The following GPC6 variants were observed in gnomAD, a reference collection of about 807,000 sequenced individuals.
GPC6 encodes the protein glypican 6.
In GPC6, 14 loss-of-function variants were observed where a neutral mutation model predicts 55.2. The observed-to-expected ratio is 0.25, with a 90% CI of 0.17 to 0.40. The LOEUF (loss-of-function observed/expected upper bound fraction) is 0.40, where lower values mean the gene tolerates loss of function less well. GPC6 is among the 10% of genes least tolerant of loss of function. GPC6 has a pLI of 1.00. For missense variants in GPC6, 641 were observed against 708.5 expected, an observed-to-expected ratio of 0.90 and a Z score of 1.08; for synonymous variants, 278 against 259.6, an observed-to-expected ratio of 1.07 and a Z score of -0.68.
chr13:93,633,645 A>G (rs1879571418), intron 2 of GPC6, among the ~76,000 whole-genome samples: 1 of 142,174 alleles, frequency 7.0e-6, no homozygotes, highest in Admixed American at 6.9e-5. Context: ...CAAATAAATA[A>G]ATAAATAAAT....
chr13:93,385,754 C>T (rs1455136268), intron 1 of GPC6, among the ~76,000 whole-genome samples: 2 of 151,864 alleles, frequency 1.3e-5, no homozygotes, highest in Non-Finnish European at 1.5e-5. Flanking sequence ...AGATTAGTCC[C>T]CCTGTTGTAA....
intron 2 of GPC6, among the ~76,000 whole-genome samples, chr13:93,624,115 T>G (rs1879087897): frequency 2.3e-5 from 1 of 43,358 alleles, no homozygotes; most frequent in Non-Finnish European, 6.3e-5. Flanking sequence ...AAATTTCAAC[T>G]TTTTTTTTTT....
intron 6 of GPC6, among the ~76,000 whole-genome samples, chr13:94,366,939 G>GAAAAAAACAA (rs1486461336): frequency 1.5e-4 from 23 of 152,286 alleles, no homozygotes; most frequent in Admixed American, 8.5e-4. Flanking sequence ...GAAAAGTTGA[G>GAAAAAAACAA]GGCTCAGTCT....
intron 1 of GPC6, among the ~76,000 whole-genome samples, chr13:93,348,039 CAT>C (rs1473332454): frequency 6.6e-6 from 1 of 152,160 alleles, no homozygotes; most frequent in Non-Finnish European, 1.5e-5. Context: ...TACTGCACAA[CAT>C]TTTTCACCAT....
intron 4 of GPC6, among the ~76,000 whole-genome samples, chr13:94,240,594 G>A (rs1002860835): frequency 6.6e-6 from 1 of 151,778 alleles, no homozygotes; most frequent in African/African-American, 2.4e-5. Flanking sequence ...TCCTCTTGGA[G>A]TAGATATTCC....
At chr13:94,362,452 G>C (rs1879101208) in intron 6 of GPC6, among the ~76,000 whole-genome samples, 2 of 152,036 alleles carry the variant, frequency 1.3e-5, no homozygotes, top group South Asian at 4.1e-4. Flanking sequence ...TAAAATAACA[G>C]CCTGTCAGTT....
upstream of GPC6, chr13:93,226,758 C>G (rs558989546): frequency 5.5e-4 from 84 of 152,312 alleles, no homozygotes; most frequent in African/African-American, 1.8e-3. Flanking sequence ...TTTGACTCGG[C>G]CTGTGAATTT....
At chr13:94,372,643 G>A (rs1240114213) in intron 6 of GPC6, among the ~76,000 whole-genome samples, 10 of 151,780 alleles carry the variant, frequency 6.6e-5, no homozygotes, top group East Asian at 3.9e-4. Flanking sequence ...GGGGAGGGGC[G>A]CCCGCCATTG....
intron 3 of GPC6, among the ~76,000 whole-genome samples, chr13:93,969,855 A>G (rs1251901220): frequency 1.3e-5 from 2 of 152,106 alleles, no homozygotes; most frequent in Non-Finnish European, 2.9e-5. Flanking sequence ...TATTTCACTT[A>G]ACATAATGGC....
chr13:93,357,260 A>T (rs1880880309), intron 1 of GPC6, among the ~76,000 whole-genome samples: 1 of 152,198 alleles, frequency 6.6e-6, no homozygotes, highest in Non-Finnish European at 1.5e-5. Context: ...TTATTTTAAA[A>T]GGTATCTAAA....
At chr13:93,575,361 G>T (rs1225886472) in intron 2 of GPC6, among the ~76,000 whole-genome samples, 1 of 152,154 alleles carries the variant, frequency 6.6e-6, no homozygotes, top group Non-Finnish European at 1.5e-5. Flanking sequence ...TAGTCAAGGA[G>T]ATATTACTCC....
intron 3 of GPC6, among the ~76,000 whole-genome samples, chr13:93,885,967 G>A (rs9556335): frequency 0.6 from 91,047 of 151,888 alleles, 27,918 homozygotes; most frequent in East Asian, 0.81. Flanking sequence ...GTGAGAAAAT[G>A]TAGAGAAGGC....
chr13:93,847,387 C>T (rs1594518694), intron 3 of GPC6, among the ~76,000 whole-genome samples: 2 of 152,098 alleles, frequency 1.3e-5, no homozygotes, highest in Non-Finnish European at 1.5e-5. Context: ...CCATAATACT[C>T]ATAAAGCTGG....
intron 1 of GPC6, among the ~76,000 whole-genome samples, chr13:93,316,764 G>A (rs968455588): frequency 2.0e-5 from 3 of 152,018 alleles, no homozygotes; most frequent in Non-Finnish European, 2.9e-5. Flanking sequence ...GAGCTCATGA[G>A]CCTTTTCTCC....
intron 1 of GPC6, among the ~76,000 whole-genome samples, chr13:93,535,882 G>A (rs1046158412): frequency 6.6e-6 from 1 of 152,190 alleles, no homozygotes; most frequent in African/African-American, 2.4e-5. Context: ...ACTGAATTCA[G>A]CCACACATTC....
intron 1 of GPC6, among the ~76,000 whole-genome samples, chr13:93,415,623 A>G (rs922854981): frequency 1.3e-5 from 2 of 152,228 alleles, no homozygotes; most frequent in East Asian, 3.9e-4. Flanking sequence ...CGAGAATACC[A>G]TGCTTTCTAG....
chr13:93,607,741 C>T (rs1878300489), intron 2 of GPC6, among the ~76,000 whole-genome samples: 1 of 152,166 alleles, frequency 6.6e-6, no homozygotes. Flanking sequence ...CAGCCTTCAT[C>T]ACCACTGCCC....
chr13:94,307,689 G>C (rs1464607510), intron 6 of GPC6, among the ~76,000 whole-genome samples: 3 of 152,206 alleles, frequency 2.0e-5, no homozygotes, highest in Non-Finnish European at 4.4e-5. Flanking sequence ...CAACCAATTA[G>C]ATTCCACCAA....
chr13:93,419,557 G>A (rs777969875), intron 1 of GPC6, among the ~76,000 whole-genome samples: 1 of 152,032 alleles, frequency 6.6e-6, no homozygotes, highest in Non-Finnish European at 1.5e-5. Flanking sequence ...AGATTTCTAT[G>A]AAATAAAATG....
Sources: allele counts gnomAD v4.1 joint callset (sites outside exome capture counted in the v4.1 genomes callset), GRCh38; gene constraint gnomAD v4.1.1; transcripts MANE v1.5; gene names NCBI Gene and HGNC (gene_info 2026-07-23, HGNC 2026-07-21).